ACTR1A: variants seen among roughly 807,000 people sequenced by gnomAD.
ACTR1A encodes actin related protein 1A, also known as alpha-centractin.
ACTR1A carries 10 observed loss-of-function variants against 50.7 expected under a neutral mutation model. The ratio of observed to expected loss-of-function variants is 0.20; its 90% CI spans 0.12 to 0.33. The LOEUF is 0.33. ACTR1A is among the 10% of genes least tolerant of loss of function. ACTR1A has a pLI of 1.00. For missense variants in ACTR1A, 253 were observed against 491.7 expected, an observed-to-expected ratio of 0.51 and a Z score of 4.59; for synonymous variants, 177 against 184.2, an observed-to-expected ratio of 0.96 and a Z score of 0.32.
At chr10:102,489,779 A>G (rs111884221) in intron 2 of ACTR1A, among the ~76,000 whole-genome samples, 2 of 152,278 alleles carry the variant, frequency 1.3e-5, no homozygotes, top group African/African-American at 4.8e-5. Context: ...GCGCCACTGC[A>G]CTCCAGCCTG....
At chr10:102,481,417 T>C (rs1260077429) in intron 9 of ACTR1A, among the ~76,000 whole-genome samples, 1 of 152,172 alleles carries the variant, frequency 6.6e-6, no homozygotes, top group Non-Finnish European at 1.5e-5. Flanking sequence ...TGGCAAGAAC[T>C]GTACTCCTTC....
At chr10:102,490,705 G>T (rs2062187731) in intron 1 of ACTR1A, 92 bp from the exon 2 acceptor site, 13 of 1,029,974 alleles carry the variant, frequency 1.3e-5, no homozygotes, top group East Asian at 3.1e-5. Context: ...TTTAAGAAAA[G>T]AAAGCGGCCG....
intron 1 of ACTR1A, among the ~76,000 whole-genome samples, chr10:102,497,926 C>CAAAAAA (rs2062230136): frequency 1.1e-5 from 1 of 94,614 alleles, no homozygotes. Context: ...GACCCCATTT[C>CAAAAAA]TACAAAAAAA....
At chr10:102,484,815 C>G (rs551050552) in intron 5 of ACTR1A, among the ~76,000 whole-genome samples, 2 of 152,166 alleles carry the variant, frequency 1.3e-5, no homozygotes, top group Non-Finnish European at 2.9e-5. Context: ...TTTGAGAGCC[C>G]GGGGACCTTT....
intron 1 of ACTR1A, among the ~76,000 whole-genome samples, chr10:102,492,231 T>C (rs1191881827): frequency 2.6e-5 from 4 of 151,852 alleles, no homozygotes; most frequent in South Asian, 2.1e-4. Context: ...CCACCATGCC[T>C]GGCTAATTTT....
At chr10:102,487,631 CTTTTT>C (rs145832320) in intron 4 of ACTR1A, among the ~76,000 whole-genome samples, 1 of 117,022 alleles carries the variant, frequency 8.5e-6, no homozygotes. Context: ...CTTGGCTTTT[CTTTTT>C]TTTTTTTTTT....
rs2062264465 is a variant in ACTR1A at position 102,502,621 on chromosome 10, G to A, written c.27C>T (p.Asn9=). Residue 9 remains asparagine, a synonymous_variant, in exon 1 of 11, where the codon AAC becomes AAT. Transcript: ENST00000369905. ...TCACGTTGTCGATCACGACAGGCTG[G>A]TTGGCGATCACATCGTAGGACTCCA... MESYDVIA[N]QPVVIDNGSG... is the part of the protein sequence containing the mutation. The A allele has an allele frequency of 6.2e-7, 1 of 1,614,244 alleles. No individual in the cohort carries two copies. Among genetic ancestry groups the A allele is most frequent in the Non-Finnish European group, 8.5e-7 (1 of 1,180,024 alleles).
At chr10:102,497,024 C>T (rs1235835321) in intron 1 of ACTR1A, among the ~76,000 whole-genome samples, 3 of 151,844 alleles carry the variant, frequency 2.0e-5, no homozygotes, top group Non-Finnish European at 4.4e-5. Flanking sequence ...ACTAAAAATA[C>T]AAAAATTAGC....
intron 2 of ACTR1A, 55 bp downstream of exon 2, chr10:102,490,494 G>A: frequency 2.1e-6 from 3 of 1,443,386 alleles, no homozygotes; most frequent in South Asian, 2.3e-5. Flanking sequence ...TATAGGGCTG[G>A]GCCTGTAACA....
At chr10:102,490,125 A>C (rs1475233828) in intron 2 of ACTR1A, among the ~76,000 whole-genome samples, 1 of 150,506 alleles carries the variant, frequency 6.6e-6, no homozygotes, top group African/African-American at 2.5e-5. Context: ...AGTCCCAGCT[A>C]CTCGGGAGGC....
intron 4 of ACTR1A, among the ~76,000 whole-genome samples, chr10:102,487,364 A>G (rs1221852443): frequency 1.3e-5 from 2 of 152,118 alleles, no homozygotes; most frequent in Admixed American, 6.6e-5. Flanking sequence ...CAGTGAGCCT[A>G]GATCACGCCA....
intron 1 of ACTR1A, among the ~76,000 whole-genome samples, chr10:102,500,899 C>T (rs1389731732): frequency 6.6e-6 from 1 of 151,408 alleles, no homozygotes; most frequent in Admixed American, 6.6e-5. Context: ...ATGGTGAAAC[C>T]CTTCCTACAA....
rs1181391601 is a variant in ACTR1A, at chr10:102,488,117, C to T, written c.315+33G>A. The T allele has an allele frequency of 1.3e-6, 2 of 1,593,414 alleles. No homozygotes were observed. Among genetic ancestry groups the T allele is most frequent in the Non-Finnish European group, 1.7e-6 (2 of 1,163,012 alleles). On this transcript the variant is annotated intron_variant, in intron 4 of 10. Transcript: ENST00000369905. This position sits in a 1 kb window ranked among gnomAD's most constrained non-coding sequence, Gnocchi z 4.4. ...AGGAGTTTGACACAGCTTTGCATAC[C>T]CTACAGGAGTGCCCTACACACAGGA...
chr10:102,489,037 G>T, intron 3 of ACTR1A, 26 bp downstream of exon 3: 1 of 1,516,408 alleles, frequency 6.6e-7, no homozygotes, highest in South Asian at 1.3e-5. Flanking sequence ...CTGGCTTAAG[G>T]CTTGTTCTGT....
At chr10:102,490,397 A>AG (rs2062186495) in intron 2 of ACTR1A, 152 bp downstream of exon 2, 3 of 452,582 alleles carry the variant, frequency 6.6e-6, no homozygotes, top group African/African-American at 6.1e-5. Flanking sequence ...TGGATTTTTA[A>AG]AAAGAGGCCT....
rs959591057 is a variant in ACTR1A, at chr10:102,482,889, G to A, written c.750+122C>T. The stretch of plus-strand genomic sequence containing the variant: ...GCCACGTGCAGCCCATGGGCCAGGG[G>A]TTGGACAAGCTTGGTGTAAAGGGAC... On this transcript the variant is annotated intron_variant, in intron 7 of 10. Transcript: ENST00000369905. This position sits in a 1 kb window ranked among gnomAD's most constrained non-coding sequence, Gnocchi z 5.6. 1 of 794,208 alleles carries A rather than the reference G, an allele frequency of 1.3e-6. No homozygotes were observed. The highest frequency in any genetic ancestry group is 2.2e-6 in the Non-Finnish European group (1 of 463,646). The allele number at this position is 794,208 out of a possible 1,614,324, so 49.2% of individuals were successfully genotyped here.
chr10:102,499,943 A>G (rs2062239443), intron 1 of ACTR1A, among the ~76,000 whole-genome samples: 1 of 152,222 alleles, frequency 6.6e-6, no homozygotes, highest in Non-Finnish European at 1.5e-5. Context: ...CAATGAAAAA[A>G]CATTTATTGA....
At chr10:102,484,689 G>A (rs778113921) in intron 5 of ACTR1A, among the ~76,000 whole-genome samples, 9 of 152,098 alleles carry the variant, frequency 5.9e-5, no homozygotes, top group Non-Finnish European at 1.0e-4. Flanking sequence ...CTAGACAAAA[G>A]GCAAAAACCC....
chr10:102,480,743 A>G lies in ACTR1A; in HGVS notation c.*120T>C. 4.7e-6 allele frequency: 4 copies of G among 853,272 alleles called. No homozygotes were observed. The highest frequency in any genetic ancestry group is 4.4e-5 in the South Asian group (3 of 67,924). 52.9% of individuals were successfully genotyped at this position (853,272 alleles called of 1,614,324 possible). A position where few individuals can be genotyped will look rare whatever the true frequency, so the allele number is the denominator to read the frequency against. On this transcript the variant is annotated 3_prime_UTR_variant, in exon 11 of 11. Transcript: ENST00000369905. ...GGCCACACGGCACTCGCATGTGCAC[A>G]CACACTCATATCCACACACGCACTC...
Sources: gnomAD v4.1 joint callset for allele counts (sites outside exome capture counted in the v4.1 genomes callset) on GRCh38, gnomAD v4.1.1 for gene constraint, Gnocchi (gnomAD v3.1) non-coding constraint, MANE v1.5 for transcripts, NCBI Gene and HGNC (gene_info 2026-07-23, HGNC 2026-07-21) for gene names.